The following HMGCS2 variants were observed in gnomAD, a reference collection of about 807,000 sequenced individuals.
The protein encoded by HMGCS2 is 3-hydroxy-3-methylglutaryl-CoA synthase 2.
Under a neutral mutation model 57.4 loss-of-function variants are expected in HMGCS2, and 50 were observed. That is an observed-to-expected ratio of 0.87 (90% CI 0.69 to 1.10). The LOEUF is 1.10. Among genes scored for constraint, HMGCS2 ranks in the 50% least tolerant of loss-of-function variants. HMGCS2 has a pLI of 0.00. For synonymous variants in HMGCS2, 254 were observed against 245.1 expected (o/e 1.04, Z -0.34); for missense variants, 627 against 636.5 (o/e 0.99, Z 0.16).
At chr1:119,766,441 A>G (rs974033820) in intron 1 of HMGCS2, among the ~76,000 whole-genome samples, 4 of 152,242 alleles carry the variant, frequency 2.6e-5, no homozygotes, top group African/African-American at 9.6e-5. Context: ...GTAGAATTCT[A>G]GAGCCTCTCC....
intron 5 of HMGCS2, among the ~76,000 whole-genome samples, chr1:119,757,012 CT>C (rs1356814093): frequency 2.6e-5 from 4 of 152,172 alleles, no homozygotes; most frequent in Non-Finnish European, 4.4e-5. Context: ...CTCTTTCTTT[CT>C]TTATCCTCTG....
rs587713671 is a variant in HMGCS2, at chr1:119,754,021, A to G, written c.1188-635T>C. Among the ~76,000 whole-genome samples, 418 of 151,120 alleles carry G rather than the reference A, an allele frequency of 2.8e-3. 3 individuals carry two copies. Among genetic ancestry groups the G allele is most frequent in the African/African-American group, 9.8e-3 (404 of 41,120 alleles). ...CACCTCAGGATTCAGGATCCTGAGT[A>G]GCTGGGACTACAGGTGCAAGCTGCC... On this transcript the variant is annotated intron_variant, in intron 6 of 9. Transcript: ENST00000369406.
At chr1:119,765,381 C>CA (rs1206185528) in intron 1 of HMGCS2, among the ~76,000 whole-genome samples, 5 of 152,226 alleles carry the variant, frequency 3.3e-5, no homozygotes, top group Non-Finnish European at 1.5e-5. Flanking sequence ...CGTGAGCCAC[C>CA]ACGCCCAGCC....
intron 1 of HMGCS2, among the ~76,000 whole-genome samples, chr1:119,765,291 G>A (rs1402802347): frequency 6.6e-6 from 1 of 151,940 alleles, no homozygotes; most frequent in Non-Finnish European, 1.5e-5. Flanking sequence ...TGTATTTTTA[G>A]TAGAGACAGG....
intron 2 of HMGCS2, among the ~76,000 whole-genome samples, chr1:119,761,906 A>G (rs1653057913): frequency 1.3e-5 from 2 of 152,264 alleles, no homozygotes. Context: ...TAAATTGACA[A>G]AGATTAGAAA....
intron 4 of HMGCS2, among the ~76,000 whole-genome samples, chr1:119,758,229 T>TTTTA (rs1340397531): frequency 6.6e-6 from 1 of 152,260 alleles, no homozygotes; most frequent in Non-Finnish European, 1.5e-5. Flanking sequence ...TGTATTTTAT[T>TTTTA]TTTATTTATT....
At chr1:119,760,448 T>G (rs907486737) in intron 2 of HMGCS2, among the ~76,000 whole-genome samples, 4 of 152,178 alleles carry the variant, frequency 2.6e-5, no homozygotes, top group Admixed American at 2.6e-4. Context: ...CATTCACAAG[T>G]GAAGACATTG....
At chr1:119,766,398 T>A (rs587609133) in intron 1 of HMGCS2, among the ~76,000 whole-genome samples, 3 of 152,310 alleles carry the variant, frequency 2.0e-5, no homozygotes, top group African/African-American at 7.2e-5. Flanking sequence ...ATTGAATGTG[T>A]CTATCAATCA....
chr1:119,767,937 A>G (rs1440712726), intron 1 of HMGCS2, among the ~76,000 whole-genome samples: 3 of 152,248 alleles, frequency 2.0e-5, no homozygotes, highest in African/African-American at 4.8e-5. Context: ...TGCCTCTACC[A>G]TGCACATCTA....
At position 119,768,884 on chromosome 1, in the gene HMGCS2, C is replaced by A. The variant is rs1486911909; in HGVS notation, c.-40G>T. ...GCAGAAACCCAGCAGTTCAGAAACC[C>A]AGCAGAAACCTTGAAAGAGATGCCC... On this transcript the variant is annotated 5_prime_UTR_variant, in exon 1 of 10. Transcript: ENST00000369406. 6.8e-7 allele frequency: 1 copy of A among 1,461,768 alleles called. No homozygotes were observed. Among genetic ancestry groups the A allele is most frequent in the South Asian group, 1.1e-5 (1 of 87,262 alleles). 90.5% of individuals were successfully genotyped at this position (1,461,768 alleles called of 1,614,324 possible). A position where few individuals can be genotyped will look rare whatever the true frequency, so the allele number is the denominator to read the frequency against.
intron 1 of HMGCS2, among the ~76,000 whole-genome samples, chr1:119,765,968 A>G (rs1190378184): frequency 5.3e-5 from 8 of 152,238 alleles, no homozygotes; most frequent in Non-Finnish European, 1.2e-4. Flanking sequence ...ACAGCTAAAT[A>G]TGCAGGGAAC....
chr1:119,768,916 G>T (rs1653330887), upstream of HMGCS2: 13 of 1,075,142 alleles, frequency 1.2e-5, no homozygotes, highest in Middle Eastern at 2.0e-4. Flanking sequence ...GCCCAGTGGT[G>T]CCCGGCAGGA....
In HMGCS2 at chr1:119,757,394, T is replaced by A. The variant is rs1273931880; in HGVS notation, c.895A>T (p.Ile299Phe). The A allele has an allele frequency of 6.2e-7, 1 of 1,614,058 alleles. No homozygotes were observed. Among genetic ancestry groups the A allele is most frequent in the Non-Finnish European group, 8.5e-7 (1 of 1,180,010 alleles). Residue 299 changes from isoleucine (I) to phenylalanine (F), a missense_variant, in exon 5 of 10, where the codon ATC (isoleucine) becomes TTC (phenylalanine). Physicochemically the swap from Ile to Phe is conservative, Grantham distance 21. Transcript: ENST00000369406. ...ATCTTGCAAAAGGGTGTATGAAAGA[T>A]CATGTACTGTAAATCGTCAAGGGTG... ...PFTLDDLQYM[I>F]FHTPFCKMVQ...
intron 8 of HMGCS2, 96 bp from the exon 9 acceptor site, chr1:119,751,004 G>T: frequency 1.3e-6 from 1 of 773,870 alleles, no homozygotes; most frequent in Non-Finnish European, 2.2e-6. Context: ...TCACAGTGAA[G>T]CTCTCTTGGC....
chr1:119,760,082 A>T, intron 2 of HMGCS2, 93 bp from the exon 3 acceptor site: 1 of 1,125,200 alleles, frequency 8.9e-7, no homozygotes, highest in East Asian at 2.5e-5. Context: ...TAGGTCCTGG[A>T]TATAGAGTGA....
rs566864 is a variant in HMGCS2, at chr1:119,751,125, T to G, written c.1421-217A>C. ...CTAGCACTTAAGGCCTTAATAAAAG[T>G]CTATTAAGACTTTTATTATAAGAGT... is the stretch of plus-strand genomic sequence containing the variant. On this transcript the variant is annotated intron_variant, in intron 8 of 9. Transcript: ENST00000369406. Among the ~76,000 whole-genome samples the G allele has an allele frequency of 0.7, 107,070 of 151,974 alleles. 37,952 individuals carry two copies. The highest frequency in any genetic ancestry group is 0.83 in the Middle Eastern group (244 of 294).
At chr1:119,763,004 G>A (rs1450950010) in intron 2 of HMGCS2, among the ~76,000 whole-genome samples, 1 of 152,128 alleles carries the variant, frequency 6.6e-6, no homozygotes, top group Non-Finnish European at 1.5e-5. Flanking sequence ...GGTAATGGTG[G>A]TAGGGGTTAC....
intron 2 of HMGCS2, among the ~76,000 whole-genome samples, chr1:119,760,270 A>G (rs1039898822): frequency 1.3e-5 from 2 of 152,228 alleles, no homozygotes; most frequent in Non-Finnish European, 2.9e-5. Flanking sequence ...GAGACAATTC[A>G]GGTTTGGGTT....
intron 4 of HMGCS2, 74 bp from the exon 5 acceptor site, chr1:119,757,512 CTG>C: frequency 1.2e-6 from 2 of 1,608,332 alleles, no homozygotes; most frequent in South Asian, 2.2e-5. Context: ...TGAGATTTAA[CTG>C]TGCCGAGTTT....
Sources: allele counts gnomAD v4.1 joint callset (sites outside exome capture counted in the v4.1 genomes callset), GRCh38; gene constraint gnomAD v4.1.1; transcripts MANE v1.5; gene names NCBI Gene and HGNC (gene_info 2026-07-23, HGNC 2026-07-21).